The following DIPK1A variants were observed in gnomAD, a reference collection of about 807,000 sequenced individuals.
DIPK1A encodes the protein family with sequence similarity 69 member A.
Under a neutral mutation model 40.8 loss-of-function variants are expected in DIPK1A, and 27 were observed. That is an observed-to-expected ratio of 0.66 (90% CI 0.49 to 0.91). DIPK1A has a LOEUF of 0.91. Among genes scored for constraint, DIPK1A ranks in the 40% least tolerant of loss-of-function variants. The pLI is 0.00. For missense variants in DIPK1A, 412 were observed against 505.7 expected, an observed-to-expected ratio of 0.81 and a Z score of 1.78; for synonymous variants, 166 against 171.3, an observed-to-expected ratio of 0.97 and a Z score of 0.24.
At chr1:92,892,400 T>C (rs1403345847) in intron 1 of DIPK1A, among the ~76,000 whole-genome samples, 1 of 151,970 alleles carries the variant, frequency 6.6e-6, no homozygotes, top group Admixed American at 6.6e-5. Context: ...GGGTCTGGAG[T>C]GGACCTCCAG....
At chr1:92,898,007 A>G (rs2774955) in intron 1 of DIPK1A, among the ~76,000 whole-genome samples, 104,114 of 151,916 alleles carry the variant, frequency 0.69, 36,187 homozygotes, top group East Asian at 0.96. Flanking sequence ...GCTGAGGCAG[A>G]AGAATTGCTT....
In DIPK1A at chr1:92,842,953, A is replaced by C. The variant is rs1687434424; in HGVS notation, c.*430T>G. On this transcript the variant is annotated 3_prime_UTR_variant, in exon 5 of 5. Transcript: ENST00000370310. ...CTGCTTTGCAGTCTTAATTTCTGTT[A>C]ATGTGCAAACTTTACCATGCTAAGA... 2 of 989,648 alleles carry C rather than the reference A, an allele frequency of 2.0e-6. No individual in the cohort carries two copies. Among genetic ancestry groups the C allele is most frequent in the Admixed American group, 5.9e-5 (1 of 16,868 alleles). The allele number at this position is 989,648 out of a possible 1,614,324, so 61.3% of individuals were successfully genotyped here. A position where few individuals can be genotyped will look rare whatever the true frequency, so the allele number is the denominator to read the frequency against.
intron 4 of DIPK1A, among the ~76,000 whole-genome samples, chr1:92,835,537 G>A (rs1442474814): frequency 6.6e-6 from 1 of 151,490 alleles, no homozygotes; most frequent in Non-Finnish European, 1.5e-5. Context: ...GTGTGTGTCT[G>A]TAGTCCCAAC....
At chr1:92,834,700 T>G (rs1687047163) in intron 4 of DIPK1A, 1 of 1,579,492 alleles carries the variant, frequency 6.3e-7, no homozygotes, top group Admixed American at 1.7e-5. Context: ...AATGTTTTTT[T>G]ATTCCCTTGA....
chr1:92,916,569 T>C (rs1049789714), intron 1 of DIPK1A, among the ~76,000 whole-genome samples: 39 of 152,330 alleles, frequency 2.6e-4, no homozygotes, highest in African/African-American at 9.1e-4. Context: ...CACAAAGTGC[T>C]GGGATTACAG....
chr1:92,941,327 A>G (rs1651144357), intron 1 of DIPK1A, among the ~76,000 whole-genome samples: 1 of 152,182 alleles, frequency 6.6e-6, no homozygotes, highest in African/African-American at 2.4e-5. Flanking sequence ...TGTTGTAGCA[A>G]TTATCTCTCA....
At chr1:92,898,489 C>T (rs1392324833) in intron 1 of DIPK1A, among the ~76,000 whole-genome samples, 2 of 152,084 alleles carry the variant, frequency 1.3e-5, no homozygotes, top group Admixed American at 1.3e-4. Flanking sequence ...ACATTCAAAC[C>T]ATATCACAAA....
chr1:92,853,836 T>C (rs1250937049), intron 2 of DIPK1A, among the ~76,000 whole-genome samples: 2 of 152,164 alleles, frequency 1.3e-5, no homozygotes, highest in Non-Finnish European at 2.9e-5. Flanking sequence ...CCAGTTGAAA[T>C]GGACTGGAAT....
chr1:92,887,188 A>C (rs1648648908), intron 1 of DIPK1A, among the ~76,000 whole-genome samples: 1 of 150,020 alleles, frequency 6.7e-6, no homozygotes, highest in South Asian at 2.1e-4. Flanking sequence ...GAGGCCAAGC[A>C]GGAGGATCAC....
chr1:92,931,384 G>C, intron 1 of DIPK1A: 1 of 241,400 alleles, frequency 4.1e-6, no homozygotes. Flanking sequence ...AGAAAAGAGA[G>C]CCTGCATGAT....
chr1:92,954,876 C>T (rs930313275), intron 1 of DIPK1A, among the ~76,000 whole-genome samples: 3 of 152,060 alleles, frequency 2.0e-5, no homozygotes, highest in African/African-American at 7.2e-5. Context: ...CACAAAAAAA[C>T]CTGCACACAG....
downstream of DIPK1A, chr1:92,837,647 C>T (rs2100688720): frequency 1.9e-6 from 3 of 1,604,654 alleles, no homozygotes; most frequent in Non-Finnish European, 2.6e-6. Context: ...AAACATTTAC[C>T]TAAAAATGCC....
At chr1:92,910,766 T>C (rs967653418) in intron 1 of DIPK1A, among the ~76,000 whole-genome samples, 7 of 152,200 alleles carry the variant, frequency 4.6e-5, no homozygotes, top group Non-Finnish European at 7.4e-5. Flanking sequence ...GTTTTCCCCA[T>C]ATTGACATTG....
downstream of DIPK1A, chr1:92,841,790 T>G: frequency 6.2e-7 from 1 of 1,611,666 alleles, no homozygotes; most frequent in African/African-American, 1.3e-5. Context: ...AAATGTCCCT[T>G]GCTCAGAAGA....
At chr1:92,839,032 T>C (rs1267083732), downstream of DIPK1A, among the ~76,000 whole-genome samples, 1 of 64,704 alleles carries the variant, frequency 1.5e-5, no homozygotes, top group Admixed American at 1.7e-4. Context: ...GAGTTGCAGC[T>C]TTTTTTTTTT....
intron 2 of DIPK1A, among the ~76,000 whole-genome samples, chr1:92,874,868 C>T (rs1648043246): frequency 6.6e-6 from 1 of 152,058 alleles, no homozygotes; most frequent in African/African-American, 2.4e-5. Context: ...TTTATCTGTA[C>T]ACTATTATGC....
chr1:92,852,468 C>A (rs1351446858), intron 2 of DIPK1A, among the ~76,000 whole-genome samples: 1 of 152,012 alleles, frequency 6.6e-6, no homozygotes, highest in Admixed American at 6.6e-5. Context: ...CCATTGCACT[C>A]CAGCCTGGGC....
chr1:92,843,570 C>A lies in DIPK1A; in HGVS notation c.1100G>T (p.Cys367Phe). 1 of 1,552,030 alleles carries A rather than the reference C, an allele frequency of 6.4e-7. No homozygotes were observed. The highest frequency in any genetic ancestry group is 8.7e-7 in the Non-Finnish European group (1 of 1,147,066). ...CAGTAGGTAGTCTTTGAGTAACTGA[C>A]AAGCTTTTGCCAAGTTTGGTTGTAT... ...EVIQPNLAKA[C>F]QLLKDYLLRG... The change falls in exon 5 of 5, where the codon TGT becomes TTT. Residue 367 changes from cysteine to phenylalanine, a missense_variant. Cys to Phe is a radical substitution (Grantham distance 205, BLOSUM62 -2). Transcript: ENST00000370310.
chr1:92,845,390 T>C (rs1258447368), intron 4 of DIPK1A: 2 of 199,904 alleles, frequency 1.0e-5, no homozygotes, highest in Admixed American at 6.2e-5. Flanking sequence ...GGGATACTGA[T>C]GGGCACAATT....
Sources: allele counts gnomAD v4.1 joint callset (sites outside exome capture counted in the v4.1 genomes callset), GRCh38; gene constraint gnomAD v4.1.1; transcripts MANE v1.5; gene names NCBI Gene and HGNC (gene_info 2026-07-23, HGNC 2026-07-21).